ERBB4: variants seen among roughly 807,000 people sequenced by gnomAD.
ERBB4 encodes the protein erb-b2 receptor tyrosine kinase 4.
ERBB4 carries 42 observed loss-of-function variants against 158.0 expected under a neutral mutation model. The ratio of observed to expected loss-of-function variants is 0.27; its 90% CI spans 0.21 to 0.34. The LOEUF (loss-of-function observed/expected upper bound fraction) is 0.34, where lower values mean the gene tolerates loss of function less well. Among genes scored for constraint, ERBB4 ranks in the 10% least tolerant of loss-of-function variants. ERBB4 has a pLI of 1.00. For synonymous variants in ERBB4, 583 were observed against 558.7 expected (o/e 1.04, Z -0.61); for missense variants, 1,333 against 1,624.1 (o/e 0.82, Z 3.08).
Position 211,584,317 on chromosome 2 carries a change from A to C in ERBB4, c.2302-22229T>G, listed in dbSNP as rs192596757. ...TATTTCATAGGTGCATATATATAAT[A>C]TTTGATGTTATGGATAGGTAATTCA... On this transcript the variant is annotated intron_variant, in intron 19 of 27. Transcript: ENST00000342788. 1.3e-3 allele frequency among the ~76,000 whole-genome samples: 196 copies of C among 152,118 alleles called. 1 individual carries two copies. The highest frequency in any genetic ancestry group is 4.2e-3 in the African/African-American group (176 of 41,530).
At chr2:211,848,563 G>A (rs1428909657) in intron 3 of ERBB4, among the ~76,000 whole-genome samples, 1 of 151,994 alleles carries the variant, frequency 6.6e-6, no homozygotes. Flanking sequence ...GTATCCTCAT[G>A]TATAATTGTT....
intron 1 of ERBB4, among the ~76,000 whole-genome samples, chr2:212,154,769 C>T (rs968681758): frequency 6.6e-6 from 1 of 152,048 alleles, no homozygotes; most frequent in South Asian, 2.1e-4. Flanking sequence ...CAGGGAAACC[C>T]CAGGAGAGCT....
At chr2:212,192,131 A>C (rs1323030303) in intron 1 of ERBB4, among the ~76,000 whole-genome samples, 1 of 106,390 alleles carries the variant, frequency 9.4e-6, no homozygotes, top group African/African-American at 3.4e-5. Flanking sequence ...ATTATGTGTT[A>C]TGTTATCTAT....
Position 211,900,342 on chromosome 2 carries a change from C to A in ERBB4, c.421+47088G>T, listed in dbSNP as rs531328240. On this transcript the variant is annotated intron_variant, in intron 3 of 27. Transcript: ENST00000342788. ...TTGAACATTTAACCTTTCTGCTGCC[C>A]AGTCAGAGTCTAATTACTATTTTAT... Among the ~76,000 whole-genome samples the A allele has an allele frequency of 2.0e-5, 3 of 150,246 alleles. No homozygotes were observed. The East Asian group carries it at 5.9e-4, about 29-fold the overall frequency.
chr2:211,653,737 C>T (rs1156678133), intron 16 of ERBB4, among the ~76,000 whole-genome samples: 5 of 152,130 alleles, frequency 3.3e-5, no homozygotes, highest in South Asian at 2.1e-4. Context: ...TGTAGTGACA[C>T]GACCTCGGCT....
intron 1 of ERBB4, among the ~76,000 whole-genome samples, chr2:212,364,610 T>C (rs2089814029): frequency 6.6e-6 from 1 of 151,896 alleles, no homozygotes; most frequent in Non-Finnish European, 1.5e-5. Context: ...TTATGGCAAA[T>C]TATACCTTTG....
At chr2:212,140,846 AGTGTGTGTGTGTGTGTGT>A (rs35461019) in intron 1 of ERBB4, among the ~76,000 whole-genome samples, 14 of 131,738 alleles carry the variant, frequency 1.1e-4, no homozygotes, top group East Asian at 2.2e-4. Flanking sequence ...AGGAAACATG[AGTGTGTGTGTGTGTGTGT>A]GTGTGTGTGT....
chr2:211,424,394 G>A, intron 22 of ERBB4, 93 bp from the exon 23 acceptor site: 1 of 848,476 alleles, frequency 1.2e-6, no homozygotes, highest in South Asian at 1.5e-5. Context: ...ACTCCTTACA[G>A]GTCAATCCAA....
chr2:212,028,466 AAT>A (rs2076825205), intron 2 of ERBB4, among the ~76,000 whole-genome samples: 1 of 152,086 alleles, frequency 6.6e-6, no homozygotes. Flanking sequence ...CAGAAAGACA[AAT>A]TTTCTCATAA....
chr2:211,508,265 A>G (rs530378809), intron 20 of ERBB4, among the ~76,000 whole-genome samples: 3 of 152,274 alleles, frequency 2.0e-5, no homozygotes, highest in South Asian at 2.1e-4. Context: ...CAGAATCTAC[A>G]AGGAACTTAA....
At chr2:211,523,288 C>G (rs2066239753) in intron 20 of ERBB4, among the ~76,000 whole-genome samples, 1 of 146,940 alleles carries the variant, frequency 6.8e-6, no homozygotes, top group Non-Finnish European at 1.5e-5. Flanking sequence ...AATGCAACCC[C>G]TCACACATCC....
intron 1 of ERBB4, among the ~76,000 whole-genome samples, chr2:212,354,340 G>A (rs1357120643): frequency 1.3e-5 from 2 of 152,054 alleles, no homozygotes; most frequent in African/African-American, 2.4e-5. Context: ...GAGGTGCTTT[G>A]CAATTATTAA....
chr2:212,037,146 G>T (rs541125094), intron 2 of ERBB4, among the ~76,000 whole-genome samples: 2 of 152,096 alleles, frequency 1.3e-5, no homozygotes, highest in African/African-American at 2.4e-5. Flanking sequence ...TGTTTTGTTT[G>T]TTTGTTTTGT....
chr2:211,939,966 A>AAAAAT (rs1491239788), intron 3 of ERBB4, among the ~76,000 whole-genome samples: 68 of 137,434 alleles, frequency 4.9e-4, no homozygotes, highest in Admixed American at 1.4e-3. Flanking sequence ...GGAAAAAAAA[A>AAAAAT]ATATATATAT....
intron 1 of ERBB4, among the ~76,000 whole-genome samples, chr2:212,151,669 A>T (rs992124714): frequency 2.6e-5 from 4 of 152,046 alleles, no homozygotes; most frequent in African/African-American, 9.7e-5. Context: ...CAGGTTGATC[A>T]CTTGAGGTCA....
chr2:212,019,789 A>AGAAG (rs2076608899), intron 2 of ERBB4, among the ~76,000 whole-genome samples: 1 of 150,846 alleles, frequency 6.6e-6, no homozygotes, highest in African/African-American at 2.4e-5. Context: ...AAAGAAAGAA[A>AGAAG]AGAAAAAAAG....
rs567845675 is a variant in ERBB4 at position 212,331,077 on chromosome 2, T to C, written c.83-206174A>G. On this transcript the variant is annotated intron_variant, in intron 1 of 27. Transcript: ENST00000342788. The stretch of plus-strand genomic sequence containing the variant: ...TAATTTGTATATATATATATACACA[T>C]ATATATATATGCCCATAACACTTAA... Among the ~76,000 whole-genome samples, 68 of 143,104 alleles carry C rather than the reference T, an allele frequency of 4.8e-4. 2 individuals carry two copies. The South Asian group carries it at 0.011, about 22-fold the overall frequency. 93.9% of individuals were successfully genotyped at this position (143,104 alleles called of 152,430 possible).
At chr2:212,328,700 A>G (rs11888044) in intron 1 of ERBB4, among the ~76,000 whole-genome samples, 5,020 of 152,096 alleles carry the variant, frequency 0.033, 285 homozygotes, top group African/African-American at 0.12. Context: ...ATTCTGATAC[A>G]CTTCAAGAAA....
intron 1 of ERBB4, among the ~76,000 whole-genome samples, chr2:212,177,385 T>C (rs1030411776): frequency 6.6e-6 from 1 of 151,920 alleles, no homozygotes; most frequent in African/African-American, 2.4e-5. Context: ...TTATACTTTT[T>C]AATATTTCAG....
Sources: gnomAD v4.1 joint callset for allele counts (sites outside exome capture counted in the v4.1 genomes callset) on GRCh38, gnomAD v4.1.1 for gene constraint, MANE v1.5 for transcripts, NCBI Gene and HGNC (gene_info 2026-07-23, HGNC 2026-07-21) for gene names.